Variants in TMEM132B observed in about 807,000 individuals in gnomAD.
TMEM132B encodes transmembrane protein 132B.
TMEM132B carries 18 observed loss-of-function variants against 90.8 expected under a neutral mutation model. That is an observed-to-expected ratio of 0.20 (90% CI 0.14 to 0.29). TMEM132B has a LOEUF of 0.29. Ranked by LOEUF, TMEM132B falls within the 10% of genes least tolerant of loss-of-function variation. The pLI is 1.00. For synonymous variants in TMEM132B, 504 were observed against 523.3 expected, an observed-to-expected ratio of 0.96 and a Z score of 0.50; for missense variants, 1,096 against 1,326.8, an observed-to-expected ratio of 0.83 and a Z score of 2.70.
intron 2 of TMEM132B, among the ~76,000 whole-genome samples, chr12:125,391,035 A>G (rs1279376839): frequency 9.5e-6 from 1 of 104,870 alleles, no homozygotes; most frequent in East Asian, 3.2e-4. Flanking sequence ...GATTTACTAA[A>G]GAATAGTGTG....
intron 3 of TMEM132B, among the ~76,000 whole-genome samples, chr12:125,469,741 G>A (rs546080843): frequency 2.0e-5 from 3 of 152,326 alleles, no homozygotes; most frequent in South Asian, 4.1e-4. Flanking sequence ...TGTTGAAACA[G>A]TTGCCTGGTA....
intron 4 of TMEM132B, among the ~76,000 whole-genome samples, chr12:125,566,422 C>T (rs1311392680): frequency 6.6e-6 from 1 of 152,190 alleles, no homozygotes; most frequent in Non-Finnish European, 1.5e-5. Flanking sequence ...ATAGTGCTCA[C>T]ACATCTTAAA....
Position 125,458,684 on chromosome 12 carries a change from A to G in TMEM132B, c.1106+43007A>G, listed in dbSNP as rs11058184. Among the ~76,000 whole-genome samples the G allele has an allele frequency of 0.047, 7,224 of 152,268 alleles. 253 individuals carry two copies. Among genetic ancestry groups the G allele is most frequent in the Admixed American group, 0.11 (1,646 of 15,300 alleles). On this transcript the variant is annotated intron_variant, in intron 3 of 8. Transcript: ENST00000682704. The surrounding 1 kb of genome is among the most constrained non-coding windows in gnomAD (Gnocchi z 4.9). ...GTGTCCCCTGCCTCTGAGAATGGCCAGGGCTGGGAAGCCAATGGAGATGTT... is the reference window on the plus strand; with the variant it reads ...GTGTCCCCTGCCTCTGAGAATGGCCGGGGCTGGGAAGCCAATGGAGATGTT...
At chr12:125,220,825 C>T in intron 1 of TMEM132B, among the ~76,000 whole-genome samples, 1 of 152,246 alleles carries the variant, frequency 6.6e-6, no homozygotes, top group East Asian at 1.9e-4. Flanking sequence ...CCTTCCACGG[C>T]TCCCAGCTCG....
rs60316781 is a variant in TMEM132B at position 125,277,502 on chromosome 12, A to AACACACACACACACAC, written c.68-71938_68-71923dup. 0.02 allele frequency among the ~76,000 whole-genome samples: 2,858 copies of AACACACACACACACAC among 143,084 alleles called. 78 individuals are homozygous for AACACACACACACACAC. The highest frequency in any genetic ancestry group is 0.054 in the African/African-American group (2,010 of 37,328). The allele number at this position is 143,084 out of a possible 152,430, so 93.9% of individuals were successfully genotyped here. A position where few individuals can be genotyped will look rare whatever the true frequency, so the allele number is the denominator to read the frequency against. ...TCAAAAAAAAAAGATGAAGAGGGAG[A>AACACACACACACACAC]ACACACACACACACACACACACACA... On this transcript the variant is annotated intron_variant, in intron 1 of 8. Coordinates refer to ENST00000682704, the MANE Select transcript of TMEM132B (RefSeq NM_001366854.1). This position sits in a 1 kb window ranked among gnomAD's most constrained non-coding sequence, Gnocchi z 4.3.
At chr12:125,374,853 C>T (rs1465611340) in intron 2 of TMEM132B, among the ~76,000 whole-genome samples, 1 of 151,764 alleles carries the variant, frequency 6.6e-6, no homozygotes, top group Admixed American at 6.6e-5. Flanking sequence ...AGAAAAAAAC[C>T]CTCAATTTTG....
chr12:125,451,522 C>A (rs1881150780), intron 3 of TMEM132B, among the ~76,000 whole-genome samples: 1 of 151,890 alleles, frequency 6.6e-6, no homozygotes, highest in South Asian at 2.1e-4. Flanking sequence ...ATTCTTGCAA[C>A]TTTTTTGTAA....
At chr12:125,568,189 G>C (rs978843996) in intron 4 of TMEM132B, among the ~76,000 whole-genome samples, 1 of 151,990 alleles carries the variant, frequency 6.6e-6, no homozygotes, top group African/African-American at 2.4e-5. Flanking sequence ...TGGGCTCTCT[G>C]CTTTTGTCTG....
At chr12:125,336,055 A>C (rs1876946092) in intron 1 of TMEM132B, among the ~76,000 whole-genome samples, 1 of 152,196 alleles carries the variant, frequency 6.6e-6, no homozygotes, top group African/African-American at 2.4e-5. Context: ...TTTTTGGCAA[A>C]TGCATGGAGT....
intron 5 of TMEM132B, among the ~76,000 whole-genome samples, chr12:125,611,514 T>C (rs1288992977): frequency 6.6e-6 from 1 of 152,062 alleles, no homozygotes; most frequent in Non-Finnish European, 1.5e-5. Context: ...TTTGAGAACT[T>C]ATATTTTTAT....
intron 3 of TMEM132B, among the ~76,000 whole-genome samples, chr12:125,471,603 C>T (rs1881723675): frequency 6.6e-6 from 1 of 152,192 alleles, no homozygotes; most frequent in Non-Finnish European, 1.5e-5. Flanking sequence ...ACTGAATGTG[C>T]TTTGTCTGGG....
chr12:125,235,534 A>G (rs1372476920), intron 1 of TMEM132B, among the ~76,000 whole-genome samples: 3 of 151,912 alleles, frequency 2.0e-5, no homozygotes, highest in Non-Finnish European at 2.9e-5. Flanking sequence ...TACATTCACA[A>G]CGTTGTGCAA....
chr12:125,628,090 C>T (rs1593031305), intron 5 of TMEM132B, among the ~76,000 whole-genome samples: 2 of 152,120 alleles, frequency 1.3e-5, no homozygotes, highest in East Asian at 3.8e-4. Flanking sequence ...TGGCTATTGT[C>T]AACAGTGCTG....
intron 4 of TMEM132B, among the ~76,000 whole-genome samples, chr12:125,543,728 G>A (rs149428327): frequency 7.9e-5 from 12 of 152,302 alleles, no homozygotes; most frequent in African/African-American, 2.6e-4. Flanking sequence ...CGGAGAAATA[G>A]GAAAGCTTTT....
At chr12:125,491,953 G>C (rs910378564) in intron 3 of TMEM132B, among the ~76,000 whole-genome samples, 3 of 152,222 alleles carry the variant, frequency 2.0e-5, no homozygotes, top group Non-Finnish European at 2.9e-5. Context: ...CCTTCTCTGG[G>C]AAACACAGTT....
intron 4 of TMEM132B, among the ~76,000 whole-genome samples, chr12:125,534,249 G>T (rs1416846872): frequency 6.6e-6 from 1 of 152,194 alleles, no homozygotes; most frequent in Non-Finnish European, 1.5e-5. Context: ...GGGCACAGTG[G>T]CTCACGCCTG....
intron 4 of TMEM132B, among the ~76,000 whole-genome samples, chr12:125,548,722 G>A (rs77066474): frequency 0.017 from 2,631 of 152,282 alleles, 85 homozygotes; most frequent in African/African-American, 0.06. Flanking sequence ...GGGAAGTCAC[G>A]GGAGGGTTTG....
intron 5 of TMEM132B, among the ~76,000 whole-genome samples, chr12:125,607,015 A>T (rs1885712716): frequency 6.6e-6 from 1 of 152,138 alleles, no homozygotes; most frequent in South Asian, 2.1e-4. Flanking sequence ...TATTGCTAGG[A>T]GTAGTCTTGG....
At chr12:125,549,345 C>T (rs547228844) in intron 4 of TMEM132B, among the ~76,000 whole-genome samples, 27 of 152,314 alleles carry the variant, frequency 1.8e-4, no homozygotes, top group African/African-American at 6.0e-4. Flanking sequence ...TAGAAAACAG[C>T]CTCCCTTTCA....
Sources: allele counts gnomAD v4.1 joint callset (sites outside exome capture counted in the v4.1 genomes callset), GRCh38; gene constraint gnomAD v4.1.1; non-coding constraint Gnocchi (gnomAD v3.1); transcripts MANE v1.5; gene names NCBI Gene and HGNC (gene_info 2026-07-23, HGNC 2026-07-21).